CCDC192: variants seen among roughly 807,000 people sequenced by gnomAD.
The protein encoded by CCDC192 is coiled-coil domain containing 192.
intron 6 of CCDC192, among the ~76,000 whole-genome samples, chr5:127,901,584 A>G (rs1017382525): frequency 6.6e-6 from 1 of 152,216 alleles, no homozygotes; most frequent in Non-Finnish European, 1.5e-5. Flanking sequence ...TGAGGGATGG[A>G]GAGAAGAGAA....
intron 5 of CCDC192, among the ~76,000 whole-genome samples, chr5:127,803,110 A>G (rs560401435): frequency 2.2e-4 from 33 of 152,316 alleles, no homozygotes; most frequent in African/African-American, 7.7e-4. Flanking sequence ...TTAACAACGT[A>G]ATGTCTTGGC....
intron 3 of CCDC192, chr5:127,784,637 G>A: frequency 1.4e-6 from 1 of 694,522 alleles, no homozygotes; most frequent in African/African-American, 1.8e-5. Context: ...CTGTAGGTGT[G>A]CTTTTCACCA....
rs376719969 is a variant in CCDC192, at chr5:127,716,070, C to G, written c.114+8310C>G. Among the ~76,000 whole-genome samples, 52 of 152,184 alleles carry G rather than the reference C, an allele frequency of 3.4e-4. 1 individual carries two copies. In the East Asian group the frequency reaches 9.6e-3, roughly 28 times the overall value. ...GTGCTGAGGCAGATTCCTTCTATAC[C>G]AAATTTGTTGAGAGTTTTTATCATG... On this transcript the variant is annotated intron_variant, in intron 2 of 6. Transcript: ENST00000514853.
chr5:127,857,634 G>A (rs1191490244), intron 5 of CCDC192: 1 of 152,202 alleles, frequency 6.6e-6, no homozygotes, highest in Non-Finnish European at 1.5e-5. Flanking sequence ...GGGCTGGCAA[G>A]TTTGAAAGCT....
intron 5 of CCDC192, among the ~76,000 whole-genome samples, chr5:127,870,600 C>T (rs980712313): frequency 1.3e-5 from 2 of 152,148 alleles, no homozygotes; most frequent in African/African-American, 2.4e-5. Context: ...GATACTAACA[C>T]GGATGACAGG....
intron 6 of CCDC192, among the ~76,000 whole-genome samples, chr5:127,911,274 A>G (rs117832046): frequency 6.6e-6 from 1 of 152,218 alleles, no homozygotes; most frequent in African/African-American, 2.4e-5. Context: ...TCTAACCCCA[A>G]GGAATTTTCA....
At chr5:127,898,463 C>T (rs545867244) in intron 6 of CCDC192, among the ~76,000 whole-genome samples, 1 of 152,104 alleles carries the variant, frequency 6.6e-6, no homozygotes, top group Admixed American at 6.5e-5. Context: ...TTCAGAGTTT[C>T]CTATATAATA....
At chr5:127,719,847 A>C (rs1486109399) in intron 2 of CCDC192, among the ~76,000 whole-genome samples, 5 of 149,442 alleles carry the variant, frequency 3.3e-5, no homozygotes, top group South Asian at 2.1e-4. Flanking sequence ...GGGAGGTGAC[A>C]CATGCTTTTT....
rs747671285 is a variant in CCDC192 at position 127,928,412 on chromosome 5, C to T, written c.536-12770C>T. On this transcript the variant is annotated intron_variant, in intron 6 of 6. Transcript: ENST00000514853. ...CCCCTGTCTCTGTGTTCAGAGCCAG[C>T]ATTGTGACATTTTCAGATATTTTTC... 3.1e-4 allele frequency among the ~76,000 whole-genome samples: 47 copies of T among 152,216 alleles called. 1 individual carries two copies. Among genetic ancestry groups the T allele is most frequent in the Non-Finnish European group, 5.0e-4 (34 of 68,032 alleles).
chr5:127,920,701 G>A (rs1241744499), intron 6 of CCDC192, among the ~76,000 whole-genome samples: 8 of 151,902 alleles, frequency 5.3e-5, no homozygotes, highest in South Asian at 4.2e-4. Flanking sequence ...ATGAGCCACC[G>A]CGCCCGGCTG....
In CCDC192 at chr5:127,813,228, T is replaced by A. The variant is rs541800305; in HGVS notation, c.411+15066T>A. Among the ~76,000 whole-genome samples the A allele has an allele frequency of 8.9e-3, 1,360 of 152,288 alleles. 8 individuals carry two copies. The highest frequency in any genetic ancestry group is 0.012 in the Non-Finnish European group (839 of 68,010). The stretch of plus-strand genomic sequence containing the variant: ...GACTTAAACTGTCCCTATTTCATTA[T>A]GTTGTTCTTTTTCTGCTTTAGCCTT... On this transcript the variant is annotated intron_variant, in intron 5 of 6. Coordinates refer to ENST00000514853, the MANE Select transcript of CCDC192 (RefSeq NM_001317938.2).
At chr5:127,919,494 C>T (rs1225920945) in intron 6 of CCDC192, among the ~76,000 whole-genome samples, 1 of 152,140 alleles carries the variant, frequency 6.6e-6, no homozygotes, top group Non-Finnish European at 1.5e-5. Flanking sequence ...TCCATGGCTC[C>T]CAGCTTCTCC....
intron 2 of CCDC192, among the ~76,000 whole-genome samples, chr5:127,714,462 C>T (rs1172660769): frequency 1.3e-5 from 2 of 151,986 alleles, no homozygotes; most frequent in South Asian, 4.1e-4. Flanking sequence ...AGTCTTGGCT[C>T]ACTGCAACCT....
At chr5:127,922,165 T>A (rs1291762031) in intron 6 of CCDC192, among the ~76,000 whole-genome samples, 1 of 152,220 alleles carries the variant, frequency 6.6e-6, no homozygotes, top group East Asian at 1.9e-4. Flanking sequence ...ACAACCAGCT[T>A]CTTATTCTGC....
At position 127,903,475 on chromosome 5, in the gene CCDC192, TC is replaced by T. The variant is rs779326764; in HGVS notation, c.535+27815del. Among the ~76,000 whole-genome samples, 9 of 152,256 alleles carry T rather than the reference TC, an allele frequency of 5.9e-5. No homozygotes were observed. The East Asian group carries it at 1.5e-3, about 26-fold the overall frequency. On this transcript the variant is annotated intron_variant, in intron 6 of 6. Coordinates refer to ENST00000514853, the MANE Select transcript of CCDC192 (RefSeq NM_001317938.2). Reference sequence around the variant, plus strand: ...CCAGGCTGGTCTCAAACTCATGACTTCAGGTGATTCGCCCGCCTTGGCCTCC... The same window carrying T: ...CCAGGCTGGTCTCAAACTCATGACTTAGGTGATTCGCCCGCCTTGGCCTCC...
chr5:127,780,806 A>G (rs1708421132), intron 3 of CCDC192, among the ~76,000 whole-genome samples: 4 of 152,138 alleles, frequency 2.6e-5, no homozygotes, highest in Admixed American at 2.6e-4. Flanking sequence ...TCCTTTTGCC[A>G]TGCAAAAGCT....
At chr5:127,933,555 T>C (rs1355033669) in intron 6 of CCDC192, among the ~76,000 whole-genome samples, 2 of 152,160 alleles carry the variant, frequency 1.3e-5, no homozygotes, top group African/African-American at 4.8e-5. Flanking sequence ...TGCGAGTGGT[T>C]AGAGACAAGT....
At chr5:127,913,440 G>T (rs1175996826) in intron 6 of CCDC192, among the ~76,000 whole-genome samples, 2 of 152,200 alleles carry the variant, frequency 1.3e-5, no homozygotes, top group African/African-American at 4.8e-5. Context: ...GACCACCAAA[G>T]AGAAAGAAAA....
intron 6 of CCDC192, among the ~76,000 whole-genome samples, chr5:127,896,434 CTT>C (rs10709420): frequency 1.4e-5 from 2 of 147,646 alleles, no homozygotes; most frequent in Non-Finnish European, 1.5e-5. Context: ...TTTTCTTCTT[CTT>C]TTTTTTTTTT....
Sources: gnomAD v4.1 joint callset for allele counts (sites outside exome capture counted in the v4.1 genomes callset) on GRCh38, gnomAD v4.1.1 for gene constraint, MANE v1.5 for transcripts, NCBI Gene and HGNC (gene_info 2026-07-23, HGNC 2026-07-21) for gene names.